Variants in LRRC37A3 observed in about 807,000 individuals in gnomAD.
The protein encoded by LRRC37A3 is leucine-rich repeat-containing protein 37A3.
Under a neutral mutation model 106.2 loss-of-function variants are expected in LRRC37A3, and 25 were observed. The ratio of observed to expected loss-of-function variants is 0.24; its 90% CI spans 0.17 to 0.33. The LOEUF (loss-of-function observed/expected upper bound fraction) is 0.33. Among genes scored for constraint, LRRC37A3 ranks in the 10% least tolerant of loss-of-function variants. The pLI, the probability that LRRC37A3 is intolerant of heterozygous loss-of-function variation, is 1.00. For synonymous variants in LRRC37A3, 305 were observed against 635.8 expected, an observed-to-expected ratio of 0.48 and a Z score of 7.83; for missense variants, 712 against 1,644.9, an observed-to-expected ratio of 0.43 and a Z score of 9.81.
intron 10 of LRRC37A3, chr17:64,863,347 G>A (rs1972940388): frequency 3.1e-6 from 1 of 322,928 alleles, no homozygotes; most frequent in Non-Finnish European, 5.8e-6. Flanking sequence ...AGACTTTTAA[G>A]AAGTCTGAAT....
intron 2 of LRRC37A3, among the ~76,000 whole-genome samples, chr17:64,908,686 A>G (rs1452269157): frequency 3.6e-5 from 4 of 111,762 alleles, no homozygotes; most frequent in Non-Finnish European, 6.7e-5. Context: ...CCGAGGCAGG[A>G]GAATCACGTG....
In LRRC37A3 at chr17:64,860,699, G is replaced by A; in HGVS notation, c.3447C>T (p.Asn1149=). The A allele has an allele frequency of 6.2e-7, 1 of 1,614,006 alleles. No homozygotes were observed. Among genetic ancestry groups the A allele is most frequent in the South Asian group, 1.1e-5 (1 of 91,080 alleles). The change falls in exon 12 of 15, where the codon AAC becomes AAT. Residue 1149 remains asparagine, a synonymous_variant. Coordinates refer to ENST00000584306, the MANE Select transcript of LRRC37A3 (RefSeq NM_199340.5). ...LPFIKLPTTG[N]SLAKIQTVGK... ...CTACAGTTTGAATCTTTGCCAGGCT[G>A]TTTCCTGTGGTTGGCAGTTTAATGA...
intron 11 of LRRC37A3, among the ~76,000 whole-genome samples, chr17:64,862,104 G>GT (rs1219282361): frequency 7.0e-6 from 1 of 143,186 alleles, no homozygotes; most frequent in Non-Finnish European, 1.5e-5. Context: ...AACATAATTG[G>GT]TAAAAAAAAA....
chr17:64,875,301 C>T (rs1973473847), intron 8 of LRRC37A3, among the ~76,000 whole-genome samples: 2 of 151,970 alleles, frequency 1.3e-5, no homozygotes, highest in Non-Finnish European at 2.9e-5. Context: ...CCACACACAA[C>T]AGTGGAGGAC....
intron 14 of LRRC37A3, among the ~76,000 whole-genome samples, chr17:64,854,895 T>C (rs1485304306): frequency 6.6e-6 from 1 of 152,228 alleles, no homozygotes; most frequent in African/African-American, 2.4e-5. Flanking sequence ...TGGAGTGCAA[T>C]GGTGCTATCG....
chr17:64,880,386 C>T (rs898955894), intron 8 of LRRC37A3, among the ~76,000 whole-genome samples: 1 of 152,326 alleles, frequency 6.6e-6, no homozygotes, highest in Middle Eastern at 3.4e-3. Flanking sequence ...GGGGCTCAAG[C>T]GATTTGCCTG....
intron 11 of LRRC37A3, 83 bp from the exon 12 acceptor site, chr17:64,861,056 A>T: frequency 6.2e-7 from 1 of 1,604,338 alleles, no homozygotes; most frequent in Non-Finnish European, 8.5e-7. Flanking sequence ...CTCCAGTCAC[A>T]CAGAGTAGGA....
chr17:64,854,530 G>A lies in LRRC37A3; in HGVS notation c.*69C>T. On this transcript the variant is annotated 3_prime_UTR_variant, in exon 15 of 15. Coordinates refer to ENST00000584306, the MANE Select transcript of LRRC37A3 (RefSeq NM_199340.5). The stretch of plus-strand genomic sequence containing the variant: ...TGTGTGGGCCGCTGGCTTCAGTCCT[G>A]CTTTTTTGATGGCCGTTGTTTACGC... The A allele has an allele frequency of 6.2e-7, 1 of 1,611,540 alleles. No individual in the cohort carries two copies. Among genetic ancestry groups the A allele is most frequent in the Non-Finnish European group, 8.5e-7 (1 of 1,177,736 alleles).
intron 8 of LRRC37A3, among the ~76,000 whole-genome samples, chr17:64,876,636 A>T (rs1316605540): frequency 2.0e-5 from 3 of 152,266 alleles, no homozygotes; most frequent in Admixed American, 6.5e-5. Context: ...AAGACACATT[A>T]CCAGAAAAAT....
intron 13 of LRRC37A3, among the ~76,000 whole-genome samples, chr17:64,858,496 A>C (rs190278107): frequency 6.4e-4 from 97 of 152,338 alleles, no homozygotes; most frequent in African/African-American, 2.2e-3. Flanking sequence ...AATTGTTGAC[A>C]TAGTTTTGGG....
chr17:64,859,418 C>T (rs769602355), intron 12 of LRRC37A3, 24 bp downstream of exon 12: 5 of 906,538 alleles, frequency 5.5e-6, no homozygotes, highest in Non-Finnish European at 8.6e-6. Flanking sequence ...AAATCTGGGT[C>T]TCATGTTTCT....
chr17:64,881,740 T>A (rs1477951398), intron 8 of LRRC37A3, among the ~76,000 whole-genome samples: 19 of 151,056 alleles, frequency 1.3e-4, no homozygotes, highest in Non-Finnish European at 2.2e-4. Flanking sequence ...CACAAAGCAA[T>A]TTGAGGAATA....
Position 64,860,697 on chromosome 17 carries a change from C to T in LRRC37A3, c.3449G>A (p.Ser1150Asn). ...GCCTACAGTTTGAATCTTTGCCAGG[C>T]TGTTTCCTGTGGTTGGCAGTTTAAT... ...PFIKLPTTGN[S>N]LAKIQTVGKN... The change falls in exon 12 of 15, where the codon AGC (serine) becomes AAC (asparagine). Residue 1150 changes from serine (S) to asparagine (N), a missense_variant. Coordinates refer to ENST00000584306, the MANE Select transcript of LRRC37A3 (RefSeq NM_199340.5). 1.2e-6 allele frequency: 2 copies of T among 1,614,010 alleles called. No individual in the cohort carries two copies. Among genetic ancestry groups the T allele is most frequent in the South Asian group, 1.1e-5 (1 of 91,078 alleles).
At chr17:64,870,176 C>T (rs1336767414) in intron 8 of LRRC37A3, among the ~76,000 whole-genome samples, 8 of 151,194 alleles carry the variant, frequency 5.3e-5, no homozygotes, top group African/African-American at 1.5e-4. Context: ...CTGCAATCTC[C>T]GCCTCCCAGG....
chr17:64,875,600 C>A (rs1187536618), intron 8 of LRRC37A3, among the ~76,000 whole-genome samples: 1 of 152,038 alleles, frequency 6.6e-6, no homozygotes, highest in East Asian at 1.9e-4. Flanking sequence ...ACCAGCCTGG[C>A]AAACATGGTG....
chr17:64,901,359 C>T, intron 2 of LRRC37A3: 1 of 150,362 alleles, frequency 6.7e-6, no homozygotes, highest in Non-Finnish European at 1.5e-5. Flanking sequence ...ATAGAGACCA[C>T]TGGGCTAGTA....
In LRRC37A3 at chr17:64,860,728, G is replaced by A; in HGVS notation, c.3418C>T (p.Pro1140Ser). The A allele has an allele frequency of 6.2e-7, 1 of 1,613,992 alleles. No homozygotes were observed. Among genetic ancestry groups the A allele is most frequent in the Non-Finnish European group, 8.5e-7 (1 of 1,179,912 alleles). ...CCTGTGGTTGGCAGTTTAATGAACG[G>A]TAGTAACAGTGATTTCACATCTAGG... ...VNLDVKSLLL[P>S]FIKLPTTGNS... The change falls in exon 12 of 15, where the codon CCG becomes TCG. Residue 1140 changes from proline (P) to serine (S), a missense_variant. Pro to Ser is a moderately conservative substitution (Grantham distance 74, BLOSUM62 -1). Coordinates refer to ENST00000584306, the MANE Select transcript of LRRC37A3 (RefSeq NM_199340.5).
chr17:64,858,689 G>A (rs1972763694), intron 13 of LRRC37A3, 90 bp downstream of exon 13: 2 of 974,718 alleles, frequency 2.1e-6, no homozygotes, highest in Non-Finnish European at 3.3e-6. Flanking sequence ...CAGCAGGTGG[G>A]AAAGTGGCTT....
intron 13 of LRRC37A3, among the ~76,000 whole-genome samples, chr17:64,857,617 AGTCTCTCATATGGT>A (rs1380090111): frequency 6.6e-6 from 1 of 152,104 alleles, no homozygotes; most frequent in East Asian, 1.9e-4. Flanking sequence ...CAGCCTCTGA[AGTCTCTCATATGGT>A]GTCCAAGAAA....
Sources: gnomAD v4.1 joint callset for allele counts (sites outside exome capture counted in the v4.1 genomes callset) on GRCh38, gnomAD v4.1.1 for gene constraint, MANE v1.5 for transcripts, NCBI Gene and HGNC (gene_info 2026-07-23, HGNC 2026-07-21) for gene names.